The following MAP3K19 variants were observed in gnomAD, a reference collection of about 807,000 sequenced individuals.
MAP3K19 encodes mitogen-activated protein kinase kinase kinase 19, also known as SPS1/STE20-related protein kinase YSK4.
A neutral mutation model predicts 114.4 loss-of-function variants in MAP3K19; 91 were observed. That is an observed-to-expected ratio of 0.80 (90% CI 0.67 to 0.95). The LOEUF is 0.95. MAP3K19 is among the 40% of genes least tolerant of loss of function. The pLI, the probability that MAP3K19 is intolerant of heterozygous loss-of-function variation, is 0.00. For synonymous variants in MAP3K19, 518 were observed against 530.5 expected (o/e 0.98, Z 0.32); for missense variants, 1,471 against 1,573.2 (o/e 0.94, Z 1.10).
At chr2:135,033,381 C>T (rs1361660587) in intron 2 of MAP3K19, among the ~76,000 whole-genome samples, 2 of 113,308 alleles carry the variant, frequency 1.8e-5, no homozygotes, top group Non-Finnish European at 3.3e-5. Flanking sequence ...TGACCCCCCC[C>T]ACTGCCCTCC....
At chr2:134,968,420 A>T (rs62168900) in intron 12 of MAP3K19, among the ~76,000 whole-genome samples, 33,929 of 126,478 alleles carry the variant, frequency 0.27, 4,671 homozygotes, top group Middle Eastern at 0.58. Flanking sequence ...GGCTCCTCAC[A>T]TCCCAGTAGG....
In MAP3K19 at chr2:134,972,572, C is replaced by T. The variant is rs1407016409; in HGVS notation, c.3921-7656G>A. Among the ~76,000 whole-genome samples the T allele has an allele frequency of 2.0e-5, 3 of 152,028 alleles. 1 individual carries two copies. Among genetic ancestry groups the T allele is most frequent in the Non-Finnish European group, 4.4e-5 (3 of 68,030 alleles). ...CTCTTGGGTTCAAGCAATCCTCCCA[C>T]CCTAGCCTACCAAGTGACCTAGCTA... On this transcript the variant is annotated intron_variant, in intron 12 of 12. Coordinates refer to ENST00000392915, the MANE Select transcript of MAP3K19 (RefSeq NM_025052.5).
intron 6 of MAP3K19, among the ~76,000 whole-genome samples, chr2:135,002,919 C>G (rs932995471): frequency 6.6e-6 from 1 of 152,054 alleles, no homozygotes; most frequent in Admixed American, 6.5e-5. Flanking sequence ...ATGTTTGTGT[C>G]CCCCACCGCA....
intron 11 of MAP3K19, among the ~76,000 whole-genome samples, chr2:134,982,394 C>G (rs2105205341): frequency 6.7e-6 from 1 of 150,130 alleles, no homozygotes; most frequent in South Asian, 2.1e-4. Context: ...CTCTGTCGCC[C>G]AGGCTGGAGT....
Position 134,968,910 on chromosome 2 carries a change from C to T in MAP3K19, c.3921-3994G>A, listed in dbSNP as rs376126169. Among the ~76,000 whole-genome samples, 179 of 151,518 alleles carry T rather than the reference C, an allele frequency of 1.2e-3. 4 individuals carry two copies. The Middle Eastern group carries it at 0.045, about 38-fold the overall frequency. ...GGCTCCTCACATCCCAGACGATGGG[C>T]GGCCAGGCAGAGACGCTCCTCACTT... On this transcript the variant is annotated intron_variant, in intron 12 of 12. Transcript: ENST00000392915.
In MAP3K19 at chr2:134,983,638, G is replaced by A. The variant is rs746958895; in HGVS notation, c.3222+38C>T. 1.8e-5 allele frequency: 26 copies of A among 1,461,906 alleles called. No individual in the cohort carries two copies. In the South Asian group the frequency reaches 3.5e-4, roughly 20 times the overall value. The allele number at this position is 1,461,906 out of a possible 1,614,324, so 90.6% of individuals were successfully genotyped here. ...GGGTGGAGGGAGGGACTGTGGGGGG[G>A]TGGGGAGTGCTGATTTCAAGTTTCC... On this transcript the variant is annotated intron_variant, in intron 11 of 12. Coordinates refer to ENST00000392915, the MANE Select transcript of MAP3K19 (RefSeq NM_025052.5).
At chr2:135,009,288 A>G (rs969913525) in intron 5 of MAP3K19, among the ~76,000 whole-genome samples, 1 of 151,970 alleles carries the variant, frequency 6.6e-6, no homozygotes, top group Non-Finnish European at 1.5e-5. Flanking sequence ...ATTATATTTA[A>G]TGTAATAGAT....
intron 5 of MAP3K19, among the ~76,000 whole-genome samples, chr2:135,017,624 T>G (rs1687665308): frequency 6.6e-6 from 1 of 152,208 alleles, no homozygotes; most frequent in South Asian, 2.1e-4. Flanking sequence ...CAAACCCTCC[T>G]GTTTTTCAAC....
At chr2:135,000,762 C>T (rs1406781060) in intron 6 of MAP3K19, among the ~76,000 whole-genome samples, 1 of 152,112 alleles carries the variant, frequency 6.6e-6, no homozygotes, top group East Asian at 1.9e-4. Context: ...CGTGTCCTTC[C>T]GGGAGGACGC....
intron 6 of MAP3K19, among the ~76,000 whole-genome samples, chr2:135,000,752 C>G (rs1468848563): frequency 6.6e-6 from 1 of 152,154 alleles, no homozygotes; most frequent in East Asian, 1.9e-4. Context: ...AGCAGAGAGG[C>G]GTGTCCTTCC....
At chr2:134,993,728 G>C (rs1426269714) in intron 8 of MAP3K19, among the ~76,000 whole-genome samples, 1 of 152,190 alleles carries the variant, frequency 6.6e-6, no homozygotes, top group Non-Finnish European at 1.5e-5. Context: ...GTGGGGTAAA[G>C]ACTTTTGGTG....
intron 4 of MAP3K19, among the ~76,000 whole-genome samples, chr2:135,023,825 G>T (rs1688141522): frequency 6.6e-6 from 1 of 152,030 alleles, no homozygotes; most frequent in Non-Finnish European, 1.5e-5. Flanking sequence ...CAACACGATA[G>T]GAACAGGTTA....
chr2:135,019,924 T>C (rs1364331121), intron 5 of MAP3K19, among the ~76,000 whole-genome samples: 1 of 152,226 alleles, frequency 6.6e-6, no homozygotes, highest in Middle Eastern at 3.2e-3. Context: ...AAGTCATTCA[T>C]CATAGACAGA....
chr2:135,044,888 A>G (rs1315792400), intron 1 of MAP3K19, among the ~76,000 whole-genome samples: 1 of 152,222 alleles, frequency 6.6e-6, no homozygotes, highest in Non-Finnish European at 1.5e-5. Flanking sequence ...TTTTTAATTT[A>G]CACAAATAAT....
intron 8 of MAP3K19, among the ~76,000 whole-genome samples, chr2:134,994,367 A>G (rs1685835399): frequency 1.3e-5 from 2 of 152,196 alleles, no homozygotes; most frequent in Admixed American, 6.5e-5. Flanking sequence ...CTGAAACGAG[A>G]GGGTGCTCAT....
intron 2 of MAP3K19, among the ~76,000 whole-genome samples, chr2:135,034,763 C>T (rs1218475971): frequency 5.0e-5 from 7 of 140,984 alleles, no homozygotes; most frequent in African/African-American, 1.6e-4. Context: ...AGTCCAGCTT[C>T]GGCTGGGCAT....
rs185273277 is a variant in MAP3K19 at position 135,002,004 on chromosome 2, T to C, written c.236-1989A>G. Among the ~76,000 whole-genome samples, 347 of 152,334 alleles carry C rather than the reference T, an allele frequency of 2.3e-3. 1 individual carries two copies. The highest frequency in any genetic ancestry group is 7.6e-3 in the African/African-American group (318 of 41,592). ...CTGAAATCCACTAGAAACATACAGA[T>C]GTTCTCTTTGTTCTGCCTCTTGAAT... On this transcript the variant is annotated intron_variant, in intron 6 of 12. Coordinates refer to ENST00000392915, the MANE Select transcript of MAP3K19 (RefSeq NM_025052.5).
chr2:135,029,025 C>A (rs907935627), intron 3 of MAP3K19, among the ~76,000 whole-genome samples: 1 of 152,154 alleles, frequency 6.6e-6, no homozygotes. Context: ...GTTACAGGTA[C>A]CAGTTTCTTA....
chr2:134,999,576 C>G lies in MAP3K19; in HGVS notation c.314+361G>C, dbSNP rs1686289856. ...CCTCATCATGGACTAGTAACAGGACCACAGAACCACATTCTAAGTAGCTCT... is the reference window on the plus strand; with the variant it reads ...CCTCATCATGGACTAGTAACAGGACGACAGAACCACATTCTAAGTAGCTCT... On this transcript the variant is annotated intron_variant, in intron 7 of 12. Coordinates refer to ENST00000392915, the MANE Select transcript of MAP3K19 (RefSeq NM_025052.5). The surrounding 1 kb of genome is among the most constrained non-coding windows in gnomAD (Gnocchi z 4.1). Among the ~76,000 whole-genome samples the G allele has an allele frequency of 6.6e-6, 1 of 152,164 alleles. No homozygotes were observed. The highest frequency in any genetic ancestry group is 2.4e-5 in the African/African-American group (1 of 41,426).
Sources: gnomAD v4.1 joint callset for allele counts (sites outside exome capture counted in the v4.1 genomes callset) on GRCh38, gnomAD v4.1.1 for gene constraint, Gnocchi (gnomAD v3.1) non-coding constraint, MANE v1.5 for transcripts, NCBI Gene and HGNC (gene_info 2026-07-23, HGNC 2026-07-21) for gene names.